The following TRARG1 variants were observed in gnomAD, a reference collection of about 807,000 sequenced individuals.
The protein encoded by TRARG1 is trafficking regulator of GLUT4 1.
In TRARG1, 16 loss-of-function variants were observed where a neutral mutation model predicts 13.3. The observed-to-expected ratio is 1.20, with a 90% CI of 0.81 to 1.83. The LOEUF (loss-of-function observed/expected upper bound fraction) is 1.83. Ranked by LOEUF, TRARG1 falls within the 40% of genes most tolerant of loss-of-function variation. TRARG1 has a pLI of 0.00. For synonymous variants in TRARG1, 113 were observed against 106.2 expected (o/e 1.06, Z -0.39); for missense variants, 250 against 237.4 (o/e 1.05, Z -0.35).
At chr17:1,280,461 C>T (rs1598186410) in intron 1 of TRARG1, 73 bp downstream of exon 1, 29 of 1,416,348 alleles carry the variant, frequency 2.0e-5, no homozygotes, top group Non-Finnish European at 2.7e-5. Context: ...CAGGCAGGCA[C>T]CAAACACTGC....
In TRARG1 at chr17:1,279,692, G is replaced by A. The variant is rs2071957123; in HGVS notation, c.-310G>A. ...CTTCTCTCTGCTCTCTGAGCTTTCCGTTGCTTCCCTGCCCATCTGTGCTCT... is the reference window on the plus strand; with the variant it reads ...CTTCTCTCTGCTCTCTGAGCTTTCCATTGCTTCCCTGCCCATCTGTGCTCT... On this transcript the variant is annotated 5_prime_UTR_variant, in exon 1 of 3. Transcript: ENST00000333813. 1 of 356,616 alleles carries A rather than the reference G, an allele frequency of 2.8e-6. No individual in the cohort carries two copies. Among genetic ancestry groups the A allele is most frequent in the East Asian group, 5.0e-5 (1 of 20,104 alleles). The allele number at this position is 356,616 out of a possible 1,614,324, so 22.1% of individuals were successfully genotyped here. A position where few individuals can be genotyped will look rare whatever the true frequency, so the allele number is the denominator to read the frequency against.
At chr17:1,296,282 C>T (rs376436678) in intron 2 of TRARG1, among the ~76,000 whole-genome samples, 5 of 152,054 alleles carry the variant, frequency 3.3e-5, no homozygotes, top group African/African-American at 9.7e-5. Context: ...CTGCAACCTC[C>T]GCCTTCCGGG....
chr17:1,291,665 A>G (rs2072070160), intron 1 of TRARG1, among the ~76,000 whole-genome samples: 2 of 152,150 alleles, frequency 1.3e-5, no homozygotes, highest in South Asian at 4.1e-4. Flanking sequence ...AGAATTTGGC[A>G]TCATACCTAG....
At chr17:1,282,321 T>C (rs757965391) in intron 1 of TRARG1, among the ~76,000 whole-genome samples, 15 of 117,168 alleles carry the variant, frequency 1.3e-4, no homozygotes, top group Non-Finnish European at 2.6e-4. Flanking sequence ...CGTATATATG[T>C]ACATATATGT....
chr17:1,298,503 G>A lies in TRARG1; in HGVS notation c.*239G>A, dbSNP rs1447272778. ...ATGGGTAACGTGGTTTACTCTCCCG[G>A]ACGCGTCCTGGGATCTCAACCCCAG... On this transcript the variant is annotated 3_prime_UTR_variant, in exon 3 of 3. Transcript: ENST00000333813. The A allele has an allele frequency of 2.2e-6, 1 of 458,592 alleles. No homozygotes were observed. The highest frequency in any genetic ancestry group is 3.3e-5 in the East Asian group (1 of 30,554). The allele number at this position is 458,592 out of a possible 1,614,324, so 28.4% of individuals were successfully genotyped here.
intron 1 of TRARG1, among the ~76,000 whole-genome samples, chr17:1,284,114 C>CA (rs747664490): frequency 0.02 from 2,467 of 124,008 alleles, 66 homozygotes; most frequent in African/African-American, 0.07. Flanking sequence ...GATTCTGTCT[C>CA]AAAAAAAAAA....
intron 1 of TRARG1, among the ~76,000 whole-genome samples, chr17:1,286,505 G>A (rs1341274464): frequency 6.8e-6 from 1 of 146,806 alleles, no homozygotes; most frequent in South Asian, 2.1e-4. Context: ...TTATCAGCCT[G>A]TGGGGTGTTA....
At chr17:1,286,140 G>A (rs949543177) in intron 1 of TRARG1, among the ~76,000 whole-genome samples, 1 of 152,244 alleles carries the variant, frequency 6.6e-6, no homozygotes, top group Admixed American at 6.5e-5. Context: ...GAGAGGCCGT[G>A]AGGGCAGAGG....
chr17:1,281,256 G>C (rs1336287348), intron 1 of TRARG1, among the ~76,000 whole-genome samples: 1 of 152,158 alleles, frequency 6.6e-6, no homozygotes, highest in Non-Finnish European at 1.5e-5. Flanking sequence ...AGAAGCGAGA[G>C]TTATGAAAGG....
At chr17:1,293,958 C>T (rs1484512679) in intron 1 of TRARG1, among the ~76,000 whole-genome samples, 1 of 152,188 alleles carries the variant, frequency 6.6e-6, no homozygotes, top group Non-Finnish European at 1.5e-5. Context: ...AATCTAGGTA[C>T]AGTCCTTAGC....
intron 1 of TRARG1, among the ~76,000 whole-genome samples, chr17:1,287,566 G>A (rs1331923843): frequency 1.3e-5 from 2 of 151,914 alleles, no homozygotes; most frequent in African/African-American, 2.4e-5. Flanking sequence ...GTTTCATTGT[G>A]TTACCAGGAT....
At chr17:1,286,625 TTCGGCCTGTGGGGTGTTA>T (rs1431184944) in intron 1 of TRARG1, among the ~76,000 whole-genome samples, 4 of 78,040 alleles carry the variant, frequency 5.1e-5, no homozygotes, top group African/African-American at 1.8e-4. Flanking sequence ...GGGTGTTGTT[TTCGGCCTGTGGGGTGTTA>T]TCGGCCTGTG....
At chr17:1,282,135 CGCATATATGTACGTATACACGT>C (rs1428044576) in intron 1 of TRARG1, among the ~76,000 whole-genome samples, 11 of 110,632 alleles carry the variant, frequency 9.9e-5, no homozygotes, top group African/African-American at 4.1e-4. Flanking sequence ...TACATATACA[CGCATATATGTACGTATACACGT>C]GCATATATGT....
chr17:1,296,141 A>C (rs1005596645), intron 2 of TRARG1, among the ~76,000 whole-genome samples: 1 of 152,246 alleles, frequency 6.6e-6, no homozygotes, highest in Non-Finnish European at 1.5e-5. Context: ...GTGGGCACCC[A>C]TAGGTGGCCC....
At chr17:1,291,112 G>T (rs2072066015) in intron 1 of TRARG1, among the ~76,000 whole-genome samples, 1 of 151,762 alleles carries the variant, frequency 6.6e-6, no homozygotes, top group Non-Finnish European at 1.5e-5. Context: ...CACCATGTTG[G>T]TCAGGCTGGT....
chr17:1,284,980 G>A (rs2072010628), intron 1 of TRARG1, among the ~76,000 whole-genome samples: 1 of 152,038 alleles, frequency 6.6e-6, no homozygotes, highest in Non-Finnish European at 1.5e-5. Flanking sequence ...ACACCCGGCT[G>A]AATGCACCTC....
intron 1 of TRARG1, among the ~76,000 whole-genome samples, chr17:1,282,072 A>ATATACACATG (rs2071979940): frequency 1.3e-5 from 2 of 150,354 alleles, no homozygotes; most frequent in Non-Finnish European, 3.0e-5. Flanking sequence ...GTATACACAT[A>ATATACACATG]TATACATATA....
chr17:1,286,906 G>A (rs1225108771), intron 1 of TRARG1, among the ~76,000 whole-genome samples: 2 of 151,902 alleles, frequency 1.3e-5, no homozygotes, highest in African/African-American at 2.4e-5. Context: ...TGCTCCAGCT[G>A]TAGGTGTAGG....
At chr17:1,297,714 C>T (rs2072122663) in intron 2 of TRARG1, among the ~76,000 whole-genome samples, 1 of 151,480 alleles carries the variant, frequency 6.6e-6, no homozygotes, top group South Asian at 2.1e-4. Flanking sequence ...AGCGAATCTC[C>T]TGCCTCAGCC....
Sources: allele counts gnomAD v4.1 joint callset (sites outside exome capture counted in the v4.1 genomes callset), GRCh38; gene constraint gnomAD v4.1.1; transcripts MANE v1.5; gene names NCBI Gene and HGNC (gene_info 2026-07-23, HGNC 2026-07-21).